Variants in PTPRD observed in about 807,000 individuals in gnomAD.
The protein encoded by PTPRD is receptor-type tyrosine-protein phosphatase delta.
A neutral mutation model predicts 214.5 loss-of-function variants in PTPRD; 34 were observed. That is an observed-to-expected ratio of 0.16 (90% CI 0.12 to 0.21). The LOEUF (loss-of-function observed/expected upper bound fraction) is 0.21, where lower values mean the gene tolerates loss of function less well. PTPRD is among the 10% of genes least tolerant of loss of function. The pLI is 1.00. For synonymous variants in PTPRD, 1,128 were observed against 845.7 expected (o/e 1.33, Z -5.79); for missense variants, 2,545 against 2,398.7 (o/e 1.06, Z -1.27).
chr9:8,516,725 G>A (rs964380023), intron 21 of PTPRD, among the ~76,000 whole-genome samples: 2 of 150,286 alleles, frequency 1.3e-5, no homozygotes, highest in African/African-American at 4.9e-5. Context: ...AACATTCGTA[G>A]ATTAATGCAG....
chr9:8,567,752 G>A (rs1419872802), intron 14 of PTPRD, among the ~76,000 whole-genome samples: 2 of 152,278 alleles, frequency 1.3e-5, no homozygotes, highest in East Asian at 1.9e-4. Context: ...TAGGCTGGAA[G>A]TAATTATAGA....
intron 8 of PTPRD, among the ~76,000 whole-genome samples, chr9:9,429,750 C>T (rs1292124968): frequency 6.6e-6 from 1 of 152,142 alleles, no homozygotes; most frequent in East Asian, 1.9e-4. Context: ...GTTCAACATA[C>T]ATAAATCAAT....
intron 5 of PTPRD, among the ~76,000 whole-genome samples, chr9:9,779,933 T>C (rs2098829761): frequency 6.6e-6 from 1 of 152,198 alleles, no homozygotes; most frequent in African/African-American, 2.4e-5. Context: ...AATAGGTCAT[T>C]ATGCCAAAAA....
intron 7 of PTPRD, among the ~76,000 whole-genome samples, chr9:9,718,539 C>T (rs1424661187): frequency 1.3e-5 from 2 of 152,194 alleles, no homozygotes; most frequent in East Asian, 3.9e-4. Flanking sequence ...CGGCTCCAGA[C>T]CCAGGCATCC....
intron 5 of PTPRD, among the ~76,000 whole-genome samples, chr9:9,770,920 G>A (rs1416514770): frequency 6.6e-6 from 1 of 152,092 alleles, no homozygotes; most frequent in East Asian, 1.9e-4. Context: ...TATATTTAGA[G>A]CCTACTTGGA....
intron 39 of PTPRD, among the ~76,000 whole-genome samples, chr9:8,361,274 C>G (rs1405973466): frequency 6.6e-6 from 1 of 152,096 alleles, no homozygotes; most frequent in Non-Finnish European, 1.5e-5. Flanking sequence ...CTTAGAATGT[C>G]AAATAACAGG....
chr9:9,017,951 T>C (rs2099543251), intron 11 of PTPRD, among the ~76,000 whole-genome samples: 2 of 152,170 alleles, frequency 1.3e-5, no homozygotes, highest in Non-Finnish European at 2.9e-5. Flanking sequence ...TACTACTTTG[T>C]ATTTGTTCCA....
At chr9:9,693,374 T>C (rs1564582540) in intron 7 of PTPRD, among the ~76,000 whole-genome samples, 1 of 152,142 alleles carries the variant, frequency 6.6e-6, no homozygotes. Flanking sequence ...GTTTTTCCTG[T>C]ACTCTCACAG....
chr9:9,043,787 C>G (rs2099654918), intron 10 of PTPRD, among the ~76,000 whole-genome samples: 2 of 151,860 alleles, frequency 1.3e-5, no homozygotes, highest in Non-Finnish European at 2.9e-5. Context: ...GCCTGTAGTC[C>G]CAGCTACCCA....
chr9:9,437,581 C>T (rs2085828766), intron 8 of PTPRD, among the ~76,000 whole-genome samples: 1 of 152,136 alleles, frequency 6.6e-6, no homozygotes. Flanking sequence ...GTTCTTCCAT[C>T]TTGGGAATTA....
chr9:10,295,784 G>A (rs985573735), intron 3 of PTPRD, among the ~76,000 whole-genome samples: 4 of 152,014 alleles, frequency 2.6e-5, no homozygotes, highest in Admixed American at 1.3e-4. Flanking sequence ...CTATTCACAT[G>A]AGCCTTGAAA....
chr9:9,430,536 G>C (rs903130662), intron 8 of PTPRD, among the ~76,000 whole-genome samples: 1 of 152,056 alleles, frequency 6.6e-6, no homozygotes, highest in Admixed American at 6.6e-5. Context: ...TTTCTTCACA[G>C]AATTGGAAAA....
At chr9:10,611,901 T>C (rs915801374) in intron 2 of PTPRD, among the ~76,000 whole-genome samples, 95 of 125,818 alleles carry the variant, frequency 7.6e-4, no homozygotes, top group African/African-American at 2.7e-3. Context: ...ACTTTCCCTT[T>C]TCCGCCCCCC....
At chr9:9,989,896 C>T (rs912483264) in intron 4 of PTPRD, among the ~76,000 whole-genome samples, 9 of 152,196 alleles carry the variant, frequency 5.9e-5, no homozygotes, top group Admixed American at 6.5e-5. Context: ...ACCCTCCCCG[C>T]TACCTCCACC....
At chr9:8,828,703 T>C (rs1005468204) in intron 11 of PTPRD, among the ~76,000 whole-genome samples, 1 of 152,188 alleles carries the variant, frequency 6.6e-6, no homozygotes, top group Admixed American at 6.6e-5. Flanking sequence ...GAGAGTACTA[T>C]TATCTACGCA....
At chr9:10,327,971 C>T (rs1395801256) in intron 3 of PTPRD, among the ~76,000 whole-genome samples, 1 of 151,612 alleles carries the variant, frequency 6.6e-6, no homozygotes, top group Non-Finnish European at 1.5e-5. Context: ...TAAAAATTAT[C>T]CTGTCTGTAG....
chr9:8,345,724 C>T (rs991335994), intron 39 of PTPRD, among the ~76,000 whole-genome samples: 7 of 152,068 alleles, frequency 4.6e-5, no homozygotes, highest in South Asian at 2.1e-4. Flanking sequence ...ATTCCTACCA[C>T]GTTTGAAATC....
At chr9:8,473,864 T>C (rs1347827382) in intron 30 of PTPRD, among the ~76,000 whole-genome samples, 1 of 152,234 alleles carries the variant, frequency 6.6e-6, no homozygotes, top group Admixed American at 6.5e-5. Flanking sequence ...AAAGTGAAGC[T>C]TGCTTCAAAG....
Position 8,812,021 on chromosome 9 carries a change from G to T in PTPRD, c.-103-78075C>A, listed in dbSNP as rs1034527135. 2.6e-5 allele frequency among the ~76,000 whole-genome samples: 4 copies of T among 152,274 alleles called. No homozygotes were observed. The South Asian group carries it at 6.2e-4, about 24-fold the overall frequency. On this transcript the variant is annotated intron_variant, in intron 11 of 45. Coordinates refer to ENST00000381196, the MANE Select transcript of PTPRD (RefSeq NM_002839.4). ...TGTGAAACATTCCATAAAGATCAAG[G>T]TTCTCCTTATACCAGCTGAGTGGAT...
Sources: gnomAD v4.1 joint callset for allele counts (sites outside exome capture counted in the v4.1 genomes callset) on GRCh38, gnomAD v4.1.1 for gene constraint, MANE v1.5 for transcripts, NCBI Gene and HGNC (gene_info 2026-07-23, HGNC 2026-07-21) for gene names.